PTCHD1: variants seen among roughly 807,000 people sequenced by gnomAD.
PTCHD1 encodes the protein patched domain containing 1.
A neutral mutation model predicts 34.6 loss-of-function variants in PTCHD1; 3 were observed. The observed-to-expected ratio is 0.09, with a 90% CI of 0.04 to 0.22. PTCHD1 has a LOEUF of 0.22. Ranked by LOEUF, PTCHD1 falls within the 10% of genes least tolerant of loss-of-function variation. PTCHD1 has a pLI of 1.00. For synonymous variants in PTCHD1, 305 were observed against 283.1 expected, an observed-to-expected ratio of 1.08 and a Z score of -0.77; for missense variants, 504 against 685.5, an observed-to-expected ratio of 0.74 and a Z score of 2.96.
intron 1 of PTCHD1, among the ~76,000 whole-genome samples, chrX:23,374,032 G>T (rs1488755629): frequency 2.7e-5 from 3 of 109,989 alleles, no homozygotes; most frequent in African/African-American, 6.6e-5. Context: ...AAGTGGGAAG[G>T]GGGTGGAAAC....
chrX:23,397,443 A>T lies in PTCHD1; in HGVS notation c.*3258A>T, dbSNP rs1405371878. The T allele has an allele frequency of 8.9e-6, 1 of 112,330 alleles. No homozygotes were observed. Among genetic ancestry groups the T allele is most frequent in the Non-Finnish European group, 1.9e-5 (1 of 53,273 alleles). The allele number at this position is 112,330 out of a possible 1,213,427, so 9.3% of individuals were successfully genotyped here. A position where few individuals can be genotyped will look rare whatever the true frequency, so the allele number is the denominator to read the frequency against. ...GAAAAAGGAAGACAAACCCTCGTGA[A>T]ATGTTTCTCCATTGTTCCAGCTCAT... On this transcript the variant is annotated 3_prime_UTR_variant, in exon 3 of 3. Coordinates refer to ENST00000379361, the MANE Select transcript of PTCHD1 (RefSeq NM_173495.3).
Position 23,392,943 on chromosome X carries a change from G to A in PTCHD1, c.1425G>A (p.Ala475=), listed in dbSNP as rs753646890. The A allele has an allele frequency of 1.3e-5, 16 of 1,210,903 alleles. No homozygotes were observed. The Admixed American group carries it at 1.7e-4, about 13-fold the overall frequency. Residue 475 remains alanine, a synonymous_variant, in exon 3 of 3, where the codon GCG becomes GCA. Transcript: ENST00000379361. ...FSEDTAEGEE[A]NTYESHLLVC... ...AGGACACAGCTGAAGGCGAGGAAGC[G>A]AACACTTACGAGAGTCACCTATTGG...
In PTCHD1 at chrX:23,391,088, G is replaced by C. The variant is rs768951047; in HGVS notation, c.1013-1443G>C. 3.6e-5 allele frequency among the ~76,000 whole-genome samples: 4 copies of C among 111,755 alleles called. No homozygotes were observed. The East Asian group carries it at 1.1e-3, about 31-fold the overall frequency. ...ACACAGGGACTCGAAGTAGGGAAAT[G>C]TCTGGCTCCAACTACGAGAGGTGGT... On this transcript the variant is annotated intron_variant, in intron 2 of 2. Transcript: ENST00000379361.
In PTCHD1 at chrX:23,360,715, A is replaced by T. The variant is rs769868466; in HGVS notation, c.352-18876A>T. 2.3e-3 allele frequency among the ~76,000 whole-genome samples: 258 copies of T among 110,184 alleles called. 1 individual carries two copies. Among genetic ancestry groups the T allele is most frequent in the African/African-American group, 8.3e-3 (250 of 30,247 alleles). ...GCTTTTGAATGTCTTTGCTCTTGCTACTCCAGTTCTTTTAATTGTGATGTT... is the reference window on the plus strand; with the variant it reads ...GCTTTTGAATGTCTTTGCTCTTGCTTCTCCAGTTCTTTTAATTGTGATGTT... On this transcript the variant is annotated intron_variant, in intron 1 of 2. Coordinates refer to ENST00000379361, the MANE Select transcript of PTCHD1 (RefSeq NM_173495.3).
At position 23,400,498 on chromosome X, in the gene PTCHD1, G is replaced by A. The variant is rs963252057; in HGVS notation, c.*6313G>A. 8.9e-6 allele frequency: 1 copy of A among 112,584 alleles called. No homozygotes were observed. Among genetic ancestry groups the A allele is most frequent in the Non-Finnish European group, 1.9e-5 (1 of 53,312 alleles). 9.3% of individuals were successfully genotyped at this position (112,584 alleles called of 1,213,427 possible). ...TCTCAAAAAAATAAAGGACAAGTGT[G>A]TTTTATACACAAATATGCAGAAGCC... On this transcript the variant is annotated 3_prime_UTR_variant, in exon 3 of 3. Transcript: ENST00000379361.
rs1254605131 is a variant in PTCHD1 at position 23,394,450 on chromosome X, A to ACACACACACACC, written c.*266_*267insACACACACACCC. 5.1e-5 allele frequency: 15 copies of ACACACACACACC among 291,827 alleles called. No individual in the cohort carries two copies. Among genetic ancestry groups the ACACACACACACC allele is most frequent in the South Asian group, 1.7e-4 (2 of 11,676 alleles). 24.0% of individuals were successfully genotyped at this position (291,827 alleles called of 1,213,427 possible). ...CACACACACACACACACACACACAC[A>ACACACACACACC]CCCTGGGAGACCTATAGTCTCTTAA... On this transcript the variant is annotated 3_prime_UTR_variant, in exon 3 of 3. Coordinates refer to ENST00000379361, the MANE Select transcript of PTCHD1 (RefSeq NM_173495.3).
At chrX:23,372,926 A>G (rs1253843989) in intron 1 of PTCHD1, among the ~76,000 whole-genome samples, 2 of 112,123 alleles carry the variant, frequency 1.8e-5, no homozygotes, top group African/African-American at 6.5e-5. Flanking sequence ...TCAACTTTAC[A>G]GACTGCCAAG....
chrX:23,380,092 C>G lies in PTCHD1; in HGVS notation c.853C>G (p.Leu285Val), dbSNP rs2146642061. 1.7e-6 allele frequency: 2 copies of G among 1,211,943 alleles called. No individual in the cohort carries two copies. The highest frequency in any genetic ancestry group is 2.2e-6 in the Non-Finnish European group (2 of 895,468). The change falls in exon 2 of 3, where the codon CTG becomes GTG. Residue 285 changes from leucine (L) to valine (V), a missense_variant. Leu to Val is a conservative substitution (Grantham distance 32). Transcript: ENST00000379361. ...GATTCTGGTGGTTACCATGGCCATCCTGTGTTGCTCTATGCAGGACTGCGT... is the reference window on the plus strand; with the variant it reads ...GATTCTGGTGGTTACCATGGCCATCGTGTGTTGCTCTATGCAGGACTGCGT... ...SLILVVTMAI[L>V]CCSMQDCVRS...
At chrX:23,371,285 T>C (rs1922271455) in intron 1 of PTCHD1, among the ~76,000 whole-genome samples, 1 of 111,604 alleles carries the variant, frequency 9.0e-6, no homozygotes, top group East Asian at 2.8e-4. Context: ...AAGCACTTCA[T>C]GAGAGTACAA....
At position 23,403,460 on chromosome X, in the gene PTCHD1, T is replaced by G. The variant is rs1382317002; in HGVS notation, c.*9275T>G. 2 of 112,171 alleles carry G rather than the reference T, an allele frequency of 1.8e-5. No homozygotes were observed. The highest frequency in any genetic ancestry group is 6.5e-5 in the African/African-American group (2 of 30,869). The allele number at this position is 112,171 out of a possible 1,213,427, so 9.2% of individuals were successfully genotyped here. On this transcript the variant is annotated 3_prime_UTR_variant, in exon 3 of 3. Coordinates refer to ENST00000379361, the MANE Select transcript of PTCHD1 (RefSeq NM_173495.3). ...TAAAAAATGTGAGTCACATCACTTT[T>G]CTCCAGGAAAGGCAGAACGTGCTCA...
At chrX:23,347,911 G>A (rs1386535621) in intron 1 of PTCHD1, among the ~76,000 whole-genome samples, 1 of 111,996 alleles carries the variant, frequency 8.9e-6, no homozygotes, top group Non-Finnish European at 1.9e-5. Flanking sequence ...TTGGGAAGCT[G>A]AGACAGGAGG....
chrX:23,359,301 G>A (rs1336219051), intron 1 of PTCHD1, among the ~76,000 whole-genome samples: 2 of 112,207 alleles, frequency 1.8e-5, no homozygotes, highest in East Asian at 5.5e-4. Flanking sequence ...TCTTCCATTT[G>A]TTTGTGTCCT....
Position 23,394,409 on chromosome X carries a change from G to GAC in PTCHD1, c.*265_*266dup, listed in dbSNP as rs34539351. On this transcript the variant is annotated 3_prime_UTR_variant, in exon 3 of 3. Transcript: ENST00000379361. Reference sequence around the variant, plus strand: ...TGTTATGAGAATTCACACACACATAGACACACACACACACACACACACACA... The same window carrying GAC: ...TGTTATGAGAATTCACACACACATAGACACACACACACACACACACACACACA... 23,733 of 191,916 alleles carry GAC rather than the reference G, an allele frequency of 0.12. 966 individuals are homozygous for GAC. The highest frequency in any genetic ancestry group is 0.15 in the African/African-American group (3,971 of 27,008). The allele number at this position is 191,916 out of a possible 1,213,427, so 15.8% of individuals were successfully genotyped here.
intron 1 of PTCHD1, among the ~76,000 whole-genome samples, chrX:23,358,001 T>G (rs770410974): frequency 8.9e-6 from 1 of 112,159 alleles, no homozygotes; most frequent in South Asian, 3.7e-4. Context: ...ATCTTTTTTG[T>G]GGCTCCATAG....
At chrX:23,351,968 T>C (rs1003288420) in intron 1 of PTCHD1, among the ~76,000 whole-genome samples, 34 of 111,947 alleles carry the variant, frequency 3.0e-4, no homozygotes, top group African/African-American at 9.7e-4. Flanking sequence ...TTTTAAAATA[T>C]GGAAGAGACA....
Position 23,402,572 on chromosome X carries a change from G to C in PTCHD1, c.*8387G>C, listed in dbSNP as rs781445257. On this transcript the variant is annotated 3_prime_UTR_variant, in exon 3 of 3. Coordinates refer to ENST00000379361, the MANE Select transcript of PTCHD1 (RefSeq NM_173495.3). ...ATAAAGAGACCCCATATTCTCTTTT[G>C]AATTATTGACCTATAATTCCTCTTC... 1 of 111,977 alleles carries C rather than the reference G, an allele frequency of 8.9e-6. No individual in the cohort carries two copies. The highest frequency in any genetic ancestry group is 3.2e-5 in the African/African-American group (1 of 30,879). The allele number at this position is 111,977 out of a possible 1,213,427, so 9.2% of individuals were successfully genotyped here.
rs557743761 is a variant in PTCHD1 at position 23,390,337 on chromosome X, AAAAAAAAAC to A, written c.1013-2182_1013-2174del. On this transcript the variant is annotated intron_variant, in intron 2 of 2. Coordinates refer to ENST00000379361, the MANE Select transcript of PTCHD1 (RefSeq NM_173495.3). ...GCTCTACATGGCCCCAGGAAAAAAA[AAAAAAAAAC>A]AAAAAAAACAATATTATTTCTTCAG... is the stretch of plus-strand genomic sequence containing the variant. Among the ~76,000 whole-genome samples the A allele has an allele frequency of 2.7e-3, 292 of 109,757 alleles. 1 individual carries two copies. Among genetic ancestry groups the A allele is most frequent in the African/African-American group, 9.0e-3 (272 of 30,080 alleles).
At chrX:23,369,893 C>A (rs1283331246) in intron 1 of PTCHD1, among the ~76,000 whole-genome samples, 2 of 112,057 alleles carry the variant, frequency 1.8e-5, no homozygotes, top group Non-Finnish European at 3.8e-5. Context: ...CCCATTTACC[C>A]CTTAGTCTTT....
chrX:23,335,094 C>T lies in PTCHD1; in HGVS notation c.219C>T (p.Leu73=). The T allele has an allele frequency of 8.3e-7, 1 of 1,211,782 alleles. No individual in the cohort carries two copies. Residue 73 remains leucine, a synonymous_variant, in exon 1 of 3, where the codon CTC becomes CTT. Coordinates refer to ENST00000379361, the MANE Select transcript of PTCHD1 (RefSeq NM_173495.3). ...TCGAGCGCAACCTCGTTAACAGCCT[C>T]TTCCCGGTCAACCGCTCCAAGCACC... is the stretch of plus-strand genomic sequence containing the variant. ...AKIERNLVNS[L]FPVNRSKHRL...
Sources: allele counts gnomAD v4.1 joint callset (sites outside exome capture counted in the v4.1 genomes callset), GRCh38; gene constraint gnomAD v4.1.1; transcripts MANE v1.5; gene names NCBI Gene and HGNC (gene_info 2026-07-23, HGNC 2026-07-21).